The following INVS variants were observed in gnomAD, a reference collection of about 807,000 sequenced individuals.
The protein encoded by INVS is inversin.
In INVS, 86 loss-of-function variants were observed where a neutral mutation model predicts 108.8. The ratio of observed to expected loss-of-function variants is 0.79; its 90% CI spans 0.66 to 0.95. INVS has a LOEUF of 0.95. INVS is among the 40% of genes least tolerant of loss of function. INVS has a pLI of 0.00. For missense variants in INVS, 1,169 were observed against 1,297.4 expected (o/e 0.90, Z 1.52); for synonymous variants, 455 against 473.5 (o/e 0.96, Z 0.51).
At chr9:100,124,883 G>A (rs939764009) in intron 2 of INVS, among the ~76,000 whole-genome samples, 4 of 152,028 alleles carry the variant, frequency 2.6e-5, no homozygotes, top group Admixed American at 2.0e-4. Context: ...TTTAGTAAAC[G>A]GACAATCTGT....
At chr9:100,176,690 C>A (rs1353684356) in intron 3 of INVS, among the ~76,000 whole-genome samples, 1 of 152,008 alleles carries the variant, frequency 6.6e-6, no homozygotes, top group African/African-American at 2.4e-5. Context: ...GTTGGCCAGA[C>A]TGGTCTTGAA....
chr9:100,300,524 A>AAAATT (rs759162529), intron 16 of INVS, 44 bp from the exon 17 acceptor site: 1 of 1,325,168 alleles, frequency 7.5e-7, no homozygotes, highest in South Asian at 1.2e-5. Context: ...CTTCAGCCTT[A>AAAATT]AAATTAATAA....
At chr9:100,160,082 T>G (rs1204159742) in intron 3 of INVS, among the ~76,000 whole-genome samples, 2 of 152,146 alleles carry the variant, frequency 1.3e-5, no homozygotes, top group East Asian at 3.9e-4. Flanking sequence ...TATGAAGCCT[T>G]TCTACTTCCA....
rs1832759824 is a variant in INVS, at chr9:100,265,415, A to G, written c.1571+487A>G. Among the ~76,000 whole-genome samples the G allele has an allele frequency of 1.3e-5, 2 of 152,200 alleles. 1 individual carries two copies. Among genetic ancestry groups the G allele is most frequent in the South Asian group, 4.1e-4 (2 of 4,830 alleles). The stretch of plus-strand genomic sequence containing the variant: ...AGAGCAAAACTTTCATGCAATGTTG[A>G]TTTAGAATCATGGGATCTTATAGCT... On this transcript the variant is annotated intron_variant, in intron 11 of 16. Coordinates refer to ENST00000262457, the MANE Select transcript of INVS (RefSeq NM_014425.5).
intron 3 of INVS, chr9:100,215,120 T>C (rs1588094255): frequency 6.6e-6 from 1 of 152,222 alleles, no homozygotes; most frequent in Non-Finnish European, 1.5e-5. Context: ...AATGACTCAG[T>C]GAGCAGGGCA....
intron 3 of INVS, among the ~76,000 whole-genome samples, chr9:100,136,090 G>C (rs767794293): frequency 1.3e-4 from 20 of 152,200 alleles, no homozygotes; most frequent in South Asian, 6.2e-4. Context: ...ATATAAATAT[G>C]ATAAGAATTA....
At chr9:100,198,945 C>G (rs939144352) in intron 3 of INVS, among the ~76,000 whole-genome samples, 27 of 152,240 alleles carry the variant, frequency 1.8e-4, no homozygotes, top group African/African-American at 5.5e-4. Flanking sequence ...GGTATCTTCT[C>G]ATGATTAGAT....
chr9:100,154,331 A>ATTTTTTTGTTTTTTTTTT (rs1828899464), intron 3 of INVS, among the ~76,000 whole-genome samples: 1 of 68,580 alleles, frequency 1.5e-5, no homozygotes, highest in African/African-American at 7.7e-5. Context: ...CAACCGACTA[A>ATTTTTTTGTTTTTTTTTT]TTTTTTTTTT....
At chr9:100,270,716 C>A (rs1832926134) in intron 11 of INVS, among the ~76,000 whole-genome samples, 1 of 144,512 alleles carries the variant, frequency 6.9e-6, no homozygotes, top group African/African-American at 2.6e-5. Flanking sequence ...TCATTGCACT[C>A]CAGCCTGGGC....
chr9:100,110,144 A>G lies in INVS; in HGVS notation c.106+5517A>G, dbSNP rs568600761. ...CCTACATGCAAATGTGTTTATAAAT[A>G]TACTTAAATGTTTATGCATCCATCC... On this transcript the variant is annotated intron_variant, in intron 2 of 16. Transcript: ENST00000262457. Among the ~76,000 whole-genome samples, 31 of 152,370 alleles carry G rather than the reference A, an allele frequency of 2.0e-4. No individual in the cohort carries two copies. The South Asian group carries it at 6.0e-3, about 29-fold the overall frequency.
chr9:100,263,675 T>A (rs925334624), intron 10 of INVS, among the ~76,000 whole-genome samples: 1 of 152,206 alleles, frequency 6.6e-6, no homozygotes, highest in African/African-American at 2.4e-5. Context: ...CCTTCTCATG[T>A]AACATAACAT....
At chr9:100,165,173 G>A (rs1022846271) in intron 3 of INVS, among the ~76,000 whole-genome samples, 1 of 151,708 alleles carries the variant, frequency 6.6e-6, no homozygotes, top group African/African-American at 2.4e-5. Flanking sequence ...TTTTGATACA[G>A]GCATACAATG....
In INVS at chr9:100,301,324, T is replaced by C. The variant is rs1317114543; in HGVS notation, c.*650T>C. Among the ~76,000 whole-genome samples, 1 of 152,204 alleles carries C rather than the reference T, an allele frequency of 6.6e-6. No homozygotes were observed. Among genetic ancestry groups the C allele is most frequent in the Non-Finnish European group, 1.5e-5 (1 of 68,046 alleles). ...ACATTTTACAGTTCCTACGTTAGCCTCTCAAGGCCACAAGTTGCCGCCACG... is the reference window on the plus strand; with the variant it reads ...ACATTTTACAGTTCCTACGTTAGCCCCTCAAGGCCACAAGTTGCCGCCACG... On this transcript the variant is annotated 3_prime_UTR_variant, in exon 17 of 17. Transcript: ENST00000262457.
intron 3 of INVS, among the ~76,000 whole-genome samples, chr9:100,216,872 C>T (rs1256963970): frequency 6.6e-6 from 1 of 152,190 alleles, no homozygotes; most frequent in East Asian, 1.9e-4. Context: ...CATTCAGACT[C>T]ATTAACAGAG....
intron 3 of INVS, chr9:100,130,853 C>G (rs946894725): frequency 2.0e-5 from 3 of 152,124 alleles, no homozygotes; most frequent in African/African-American, 7.2e-5. Context: ...TTACAAAGAT[C>G]ATGGATGAAG....
chr9:100,100,290 T>C (rs1425457633), intron 1 of INVS, among the ~76,000 whole-genome samples: 1 of 151,676 alleles, frequency 6.6e-6, no homozygotes, highest in Non-Finnish European at 1.5e-5. Context: ...AATTAGACAG[T>C]GATAGAGCCA....
At chr9:100,195,133 G>A (rs769934769) in intron 3 of INVS, among the ~76,000 whole-genome samples, 4 of 152,144 alleles carry the variant, frequency 2.6e-5, no homozygotes, top group African/African-American at 9.7e-5. Context: ...TTTTCACAGG[G>A]TCTAGTCTCA....
intron 4 of INVS, among the ~76,000 whole-genome samples, chr9:100,229,168 T>G (rs756837249): frequency 1.3e-5 from 2 of 152,318 alleles, no homozygotes; most frequent in Non-Finnish European, 2.9e-5. Flanking sequence ...ACCTTTTCAC[T>G]TAAAGGAAAC....
chr9:100,236,771 C>G (rs1831700154), intron 5 of INVS, among the ~76,000 whole-genome samples: 1 of 152,202 alleles, frequency 6.6e-6, no homozygotes, highest in Non-Finnish European at 1.5e-5. Context: ...CCAGCTGGGG[C>G]TCTCCTGTAT....
Sources: gnomAD v4.1 joint callset for allele counts (sites outside exome capture counted in the v4.1 genomes callset) on GRCh38, gnomAD v4.1.1 for gene constraint, MANE v1.5 for transcripts, NCBI Gene and HGNC (gene_info 2026-07-23, HGNC 2026-07-21) for gene names.